Variants in SMCHD1 observed in about 807,000 individuals in gnomAD.
The protein encoded by SMCHD1 is structural maintenance of chromosomes flexible hinge domain containing 1.
In SMCHD1, 78 loss-of-function variants were observed where a neutral mutation model predicts 254.7. The ratio of observed to expected loss-of-function variants is 0.31; its 90% CI spans 0.26 to 0.37. The LOEUF is 0.37. Ranked by LOEUF, SMCHD1 falls within the 10% of genes least tolerant of loss-of-function variation. SMCHD1 has a pLI of 1.00. For synonymous variants in SMCHD1, 766 were observed against 794.9 expected (o/e 0.96, Z 0.61); for missense variants, 1,840 against 2,408.1 (o/e 0.76, Z 4.94).
rs1273988656 is a variant in SMCHD1, at chr18:2,738,558, A to G, written c.3425+13A>G. 1 of 1,594,308 alleles carries G rather than the reference A, an allele frequency of 6.3e-7. No individual in the cohort carries two copies. Among genetic ancestry groups the G allele is most frequent in the Admixed American group, 1.8e-5 (1 of 56,542 alleles). On this transcript the variant is annotated intron_variant, in intron 26 of 47. Transcript: ENST00000320876. ...CGTTTACAGTAAGGTTTGTGGACTC[A>G]TTATATTTTGCAGCCTATGGCAACA...
At chr18:2,791,897 G>A (rs1031318192) in intron 45 of SMCHD1, among the ~76,000 whole-genome samples, 1 of 152,164 alleles carries the variant, frequency 6.6e-6, no homozygotes, top group Non-Finnish European at 1.5e-5. Context: ...ACTAATTAGT[G>A]CATGCATGTG....
chr18:2,732,322 G>C lies in SMCHD1; in HGVS notation c.3106G>C (p.Val1036Leu). Residue 1036 changes from valine to leucine, a missense_variant, in exon 25 of 48, where the codon GTT becomes CTT. This residue lies in a region of SMCHD1 where 881 missense variants were observed against 1,009.5 expected (regional missense o/e 0.87). Transcript: ENST00000320876. ...KTIKLLPSSH[V>L]ARLQIFSVEG... ...TATTAAGTTGCTTCCCAGTAGCCAT[G>C]TTGCAAGACTACAAATATTCAGTGT... is the stretch of plus-strand genomic sequence containing the variant. 6.2e-7 allele frequency: 1 copy of C among 1,613,840 alleles called. No homozygotes were observed. The highest frequency in any genetic ancestry group is 8.5e-7 in the Non-Finnish European group (1 of 1,179,810).
chr18:2,738,560 T>G lies in SMCHD1; in HGVS notation c.3425+15T>G. 1.3e-6 allele frequency: 2 copies of G among 1,593,770 alleles called. No individual in the cohort carries two copies. Among genetic ancestry groups the G allele is most frequent in the South Asian group, 1.1e-5 (1 of 88,198 alleles). ...TTTACAGTAAGGTTTGTGGACTCAT[T>G]ATATTTTGCAGCCTATGGCAACAAA... On this transcript the variant is annotated intron_variant, in intron 26 of 47. Coordinates refer to ENST00000320876, the MANE Select transcript of SMCHD1 (RefSeq NM_015295.3).
chr18:2,681,333 A>G (rs2073919273), intron 5 of SMCHD1, among the ~76,000 whole-genome samples: 1 of 150,102 alleles, frequency 6.7e-6, no homozygotes. Context: ...GAGTCACTTG[A>G]ACCTGGGAGG....
chr18:2,720,722 A>G (rs1204131026), intron 19 of SMCHD1, among the ~76,000 whole-genome samples: 2 of 152,292 alleles, frequency 1.3e-5, no homozygotes, highest in African/African-American at 4.8e-5. Flanking sequence ...ATAATTTTCC[A>G]CGTGATTTTC....
intron 5 of SMCHD1, among the ~76,000 whole-genome samples, chr18:2,682,797 G>A (rs1371968094): frequency 1.3e-5 from 2 of 152,148 alleles, no homozygotes; most frequent in Non-Finnish European, 2.9e-5. Context: ...ATTCTCCAGA[G>A]GACTGCTGTG....
chr18:2,668,614 C>T (rs1199775670), intron 3 of SMCHD1, among the ~76,000 whole-genome samples: 1 of 152,142 alleles, frequency 6.6e-6, no homozygotes, highest in Non-Finnish European at 1.5e-5. Context: ...AGTCTTACTT[C>T]CTTCACTGGC....
At chr18:2,710,100 A>C (rs1359574403) in intron 17 of SMCHD1, among the ~76,000 whole-genome samples, 1 of 152,118 alleles carries the variant, frequency 6.6e-6, no homozygotes, top group Non-Finnish European at 1.5e-5. Context: ...TTATATGGAA[A>C]ACTTCTTTTG....
intron 17 of SMCHD1, among the ~76,000 whole-genome samples, chr18:2,711,941 C>G (rs1472722582): frequency 6.6e-6 from 1 of 152,150 alleles, no homozygotes; most frequent in African/African-American, 2.4e-5. Flanking sequence ...CTCCCTCACC[C>G]CTCTTTTGCC....
chr18:2,661,182 G>A (rs781072535), intron 1 of SMCHD1, among the ~76,000 whole-genome samples: 3 of 152,132 alleles, frequency 2.0e-5, no homozygotes, highest in African/African-American at 4.8e-5. Context: ...CTGTTGTAGG[G>A]TAAGAGGCAA....
intron 1 of SMCHD1, among the ~76,000 whole-genome samples, chr18:2,665,385 A>T (rs2073409294): frequency 6.7e-6 from 1 of 149,700 alleles, no homozygotes; most frequent in African/African-American, 2.5e-5. Flanking sequence ...CAGTGGTGTG[A>T]TCTTGGCTCA....
At chr18:2,759,957 T>A (rs1197816881) in intron 34 of SMCHD1, among the ~76,000 whole-genome samples, 1 of 152,194 alleles carries the variant, frequency 6.6e-6, no homozygotes, top group African/African-American at 2.4e-5. Context: ...TCTTCAAGGT[T>A]GCATAGATGT....
At chr18:2,662,667 CAAAAAAAAAAA>C (rs745838636) in intron 1 of SMCHD1, among the ~76,000 whole-genome samples, 2 of 35,680 alleles carry the variant, frequency 5.6e-5, no homozygotes, top group Non-Finnish European at 5.0e-5. Context: ...AACAAAAAAC[CAAAAAAAAAAA>C]AAAAAAAAAA....
At chr18:2,750,203 T>C in intron 31 of SMCHD1, 81 bp downstream of exon 31, 2 of 1,432,132 alleles carry the variant, frequency 1.4e-6, no homozygotes, top group South Asian at 1.3e-5. Context: ...AGCTAATGAC[T>C]ATCCTTCTGT....
At position 2,662,206 on chromosome 18, in the gene SMCHD1, AAG is replaced by A. The variant is rs1332945572; in HGVS notation, c.187-3949_187-3948del. ...AAATAAATAAATAAATAAATAAAGA[AAG>A]AAAGAAAGAAAGAAAGAAAAAATAA... On this transcript the variant is annotated intron_variant, in intron 1 of 47. Coordinates refer to ENST00000320876, the MANE Select transcript of SMCHD1 (RefSeq NM_015295.3). Among the ~76,000 whole-genome samples the A allele has an allele frequency of 8.6e-4, 32 of 37,406 alleles. 1 individual carries two copies. Among genetic ancestry groups the A allele is most frequent in the African/African-American group, 4.7e-3 (32 of 6,862 alleles). The allele number at this position is 37,406 out of a possible 152,430, so 24.5% of individuals were successfully genotyped here.
At chr18:2,672,998 T>C (rs960693556) in intron 3 of SMCHD1, 2 of 847,884 alleles carry the variant, frequency 2.4e-6, no homozygotes, top group African/African-American at 3.7e-5. Context: ...TCTCTTAATG[T>C]CTGTATGTCT....
intron 10 of SMCHD1, 43 bp from the exon 11 acceptor site, chr18:2,700,496 T>G: frequency 6.4e-7 from 1 of 1,553,410 alleles, no homozygotes. Flanking sequence ...ATTTCTCACA[T>G]TTTAGCAATA....
chr18:2,708,977 T>C (rs1175092508), intron 17 of SMCHD1, among the ~76,000 whole-genome samples: 1 of 141,842 alleles, frequency 7.1e-6, no homozygotes, highest in Non-Finnish European at 1.5e-5. Flanking sequence ...ATTACCACTA[T>C]CCATGTAAAG....
intron 1 of SMCHD1, among the ~76,000 whole-genome samples, chr18:2,658,703 C>T (rs184678128): frequency 6.6e-6 from 1 of 151,984 alleles, no homozygotes; most frequent in Admixed American, 6.6e-5. Context: ...ATTACGTACT[C>T]GAAGAACTGA....
Sources: allele counts gnomAD v4.1 joint callset (sites outside exome capture counted in the v4.1 genomes callset), GRCh38; gene constraint gnomAD v4.1.1; regional missense constraint gnomAD v4.1.1; transcripts MANE v1.5; gene names NCBI Gene and HGNC (gene_info 2026-07-23, HGNC 2026-07-21).